Variants in DCC observed in about 807,000 individuals in gnomAD.
DCC encodes the protein netrin receptor DCC.
A neutral mutation model predicts 172.5 loss-of-function variants in DCC; 58 were observed. That is an observed-to-expected ratio of 0.34 (90% CI 0.27 to 0.42). The LOEUF is 0.42. Ranked by LOEUF, DCC falls within the 10% of genes least tolerant of loss-of-function variation. The pLI is 1.00. For missense variants in DCC, 1,740 were observed against 1,791.0 expected, an observed-to-expected ratio of 0.97 and a Z score of 0.51; for synonymous variants, 709 against 644.5, an observed-to-expected ratio of 1.10 and a Z score of -1.52.
At chr18:52,410,901 A>G (rs1173493450) in intron 1 of DCC, among the ~76,000 whole-genome samples, 1 of 152,124 alleles carries the variant, frequency 6.6e-6, no homozygotes, top group African/African-American at 2.4e-5. Flanking sequence ...GACTTTTTAT[A>G]GACAACTTTT....
intron 2 of DCC, among the ~76,000 whole-genome samples, chr18:52,869,436 G>C (rs752955417): frequency 6.6e-6 from 1 of 152,132 alleles, no homozygotes; most frequent in Non-Finnish European, 1.5e-5. Context: ...TGCCTGCATT[G>C]GTCCATGGGT....
chr18:52,571,458 G>GAC (rs2033290768), intron 1 of DCC, among the ~76,000 whole-genome samples: 1 of 151,970 alleles, frequency 6.6e-6, no homozygotes, highest in African/African-American at 2.4e-5. Flanking sequence ...TTCTTGCCCA[G>GAC]ACCAGCTTAA....
At chr18:52,655,425 CT>C (rs2035226805) in intron 1 of DCC, among the ~76,000 whole-genome samples, 1 of 152,140 alleles carries the variant, frequency 6.6e-6, no homozygotes, top group South Asian at 2.1e-4. Context: ...GAGATTAAGT[CT>C]TTTTGTGCCT....
At chr18:53,188,010 T>G (rs181716322) in intron 9 of DCC, among the ~76,000 whole-genome samples, 5 of 152,372 alleles carry the variant, frequency 3.3e-5, no homozygotes, top group South Asian at 2.1e-4. Context: ...AATGGAACTC[T>G]AAGCCCATGG....
intron 1 of DCC, among the ~76,000 whole-genome samples, chr18:52,479,137 T>C (rs981786702): frequency 3.7e-4 from 57 of 152,256 alleles, no homozygotes; most frequent in African/African-American, 1.3e-3. Context: ...TTAAATGATA[T>C]GGAGAGATAT....
In DCC at chr18:52,925,305, T is replaced by C. The variant is rs751409684; in HGVS notation, c.920T>C (p.Met307Thr). 1.2e-5 allele frequency: 20 copies of C among 1,612,330 alleles called. No homozygotes were observed. In the South Asian group the frequency reaches 2.2e-4, roughly 18 times the overall value. Residue 307 changes from methionine (M) to threonine (T), a missense_variant, in exon 5 of 29, where the codon ATG becomes ACG. Physicochemically the swap from Met to Thr is moderately conservative, Grantham distance 81 (BLOSUM62 -1). Coordinates refer to ENST00000442544, the MANE Select transcript of DCC (RefSeq NM_005215.4). Reference sequence around the variant, plus strand: ...AATGTGACAGATGATGACAGTGGAATGTATACCTGTGTTGTCACATATAAA... The same window carrying C: ...AATGTGACAGATGATGACAGTGGAACGTATACCTGTGTTGTCACATATAAA... ...ISNVTDDDSG[M>T]YTCVVTYKNE...
At chr18:53,006,356 A>T (rs1013675545) in intron 5 of DCC, among the ~76,000 whole-genome samples, 7 of 152,186 alleles carry the variant, frequency 4.6e-5, no homozygotes, top group Admixed American at 3.9e-4. Flanking sequence ...TCTCAAACCC[A>T]TTCCTCTCCT....
chr18:53,308,154 T>C (rs1444999366), intron 13 of DCC, among the ~76,000 whole-genome samples: 3 of 151,562 alleles, frequency 2.0e-5, no homozygotes, highest in South Asian at 4.2e-4. Flanking sequence ...AATATCCAAC[T>C]ATAGGAAGTT....
intron 12 of DCC, among the ~76,000 whole-genome samples, chr18:53,228,213 T>G (rs2056065136): frequency 1.3e-5 from 2 of 151,682 alleles, no homozygotes; most frequent in Non-Finnish European, 2.9e-5. Context: ...ATTCCCTTGA[T>G]GAAATCAAAT....
At chr18:52,735,663 G>A (rs527710178) in intron 1 of DCC, among the ~76,000 whole-genome samples, 2 of 152,184 alleles carry the variant, frequency 1.3e-5, no homozygotes, top group East Asian at 3.9e-4. Flanking sequence ...CTGATGTTCA[G>A]GGGCAGGAAG....
At chr18:53,246,238 A>C (rs1487586823) in intron 12 of DCC, among the ~76,000 whole-genome samples, 1 of 152,010 alleles carries the variant, frequency 6.6e-6, no homozygotes, top group Non-Finnish European at 1.5e-5. Flanking sequence ...AATCTAATCT[A>C]TTTATATTTC....
At chr18:52,766,397 C>T (rs1252273588) in intron 2 of DCC, among the ~76,000 whole-genome samples, 2 of 152,212 alleles carry the variant, frequency 1.3e-5, no homozygotes, top group African/African-American at 4.8e-5. Context: ...GGCAAAGAGC[C>T]AGTGTGACAG....
At chr18:53,288,690 C>T (rs1336736290) in intron 12 of DCC, among the ~76,000 whole-genome samples, 3 of 152,066 alleles carry the variant, frequency 2.0e-5, no homozygotes, top group African/African-American at 4.8e-5. Flanking sequence ...AATTGAAATA[C>T]TGATTGAAGT....
At chr18:53,107,521 CAAA>C (rs11361848) in intron 7 of DCC, among the ~76,000 whole-genome samples, 6 of 85,750 alleles carry the variant, frequency 7.0e-5, no homozygotes, top group Admixed American at 3.8e-4. Flanking sequence ...AACTTTGATC[CAAA>C]AAAAAAAAAA....
chr18:52,424,797 G>A (rs79897433), intron 1 of DCC, among the ~76,000 whole-genome samples: 2 of 152,170 alleles, frequency 1.3e-5, no homozygotes, highest in African/African-American at 4.8e-5. Context: ...TTCAGACGAT[G>A]CCAGTCAGTG....
At chr18:52,404,627 C>T (rs1424853775) in intron 1 of DCC, among the ~76,000 whole-genome samples, 2 of 150,720 alleles carry the variant, frequency 1.3e-5, no homozygotes, top group Admixed American at 6.6e-5. Context: ...CTTTGCAGCC[C>T]GAAGTTAAGA....
chr18:53,209,401 C>G (rs1205488239), intron 11 of DCC, among the ~76,000 whole-genome samples: 1 of 152,136 alleles, frequency 6.6e-6, no homozygotes, highest in Non-Finnish European at 1.5e-5. Context: ...CTCTTTTCAG[C>G]AACAATTTCC....
At chr18:53,342,460 AT>A (rs2057670137) in intron 15 of DCC, among the ~76,000 whole-genome samples, 1 of 151,808 alleles carries the variant, frequency 6.6e-6, no homozygotes, top group Non-Finnish European at 1.5e-5. Context: ...CAATTGATCT[AT>A]TTATCTATCA....
At chr18:53,468,274 C>T (rs1310122363) in intron 25 of DCC, among the ~76,000 whole-genome samples, 1 of 150,960 alleles carries the variant, frequency 6.6e-6, no homozygotes, top group African/African-American at 2.4e-5. Flanking sequence ...TATATGAATT[C>T]ACATAAAAGA....
Sources: allele counts gnomAD v4.1 joint callset (sites outside exome capture counted in the v4.1 genomes callset), GRCh38; gene constraint gnomAD v4.1.1; transcripts MANE v1.5; gene names NCBI Gene and HGNC (gene_info 2026-07-23, HGNC 2026-07-21).